Variants in DNAJC8 observed in about 807,000 individuals in gnomAD.
DNAJC8 encodes dnaJ homolog subfamily C member 8.
DNAJC8 carries 24 observed loss-of-function variants against 43.2 expected under a neutral mutation model. That is an observed-to-expected ratio of 0.56 (90% CI 0.40 to 0.78). DNAJC8 has a LOEUF of 0.78. Ranked by LOEUF, DNAJC8 falls within the 30% of genes least tolerant of loss-of-function variation. The pLI, the probability that DNAJC8 is intolerant of heterozygous loss-of-function variation, is 0.00. For synonymous variants in DNAJC8, 83 were observed against 98.0 expected (o/e 0.85, Z 0.90); for missense variants, 207 against 299.4 (o/e 0.69, Z 2.28).
chr1:28,203,846 T>C, intron 7 of DNAJC8, 24 bp from the exon 8 acceptor site: 2 of 1,602,900 alleles, frequency 1.2e-6, no homozygotes, highest in Admixed American at 3.3e-5. Flanking sequence ...CAGATCATAG[T>C]ATTTATATGA....
intron 5 of DNAJC8, among the ~76,000 whole-genome samples, chr1:28,209,124 G>A (rs1301973126): frequency 6.6e-6 from 1 of 152,144 alleles, no homozygotes; most frequent in African/African-American, 2.4e-5. Context: ...GATTTAAGGA[G>A]AAACTGTCAG....
intron 8 of DNAJC8, 150 bp downstream of exon 8, chr1:28,203,597 C>A: frequency 1.4e-6 from 1 of 738,080 alleles, no homozygotes; most frequent in Non-Finnish European, 2.4e-6. Context: ...TTACAGGAGG[C>A]TGAGGCAGGC....
intron 6 of DNAJC8, 35 bp downstream of exon 6, chr1:28,208,307 A>G: frequency 6.4e-7 from 1 of 1,561,150 alleles, no homozygotes; most frequent in Non-Finnish European, 8.7e-7. Context: ...ACACAATCAC[A>G]CAAGATACAG....
In DNAJC8 at chr1:28,226,002, C is replaced by A. The variant is rs181170243; in HGVS notation, c.180+2920G>T. Among the ~76,000 whole-genome samples the A allele has an allele frequency of 2.7e-5, 4 of 150,624 alleles. No homozygotes were observed. The South Asian group carries it at 6.3e-4, about 24-fold the overall frequency. ...TACAGGCGTGAGCCACCACACCTGG[C>A]CAAAATGGCAAATTTTATGTTATAT... is the stretch of plus-strand genomic sequence containing the variant. On this transcript the variant is annotated intron_variant, in intron 2 of 8. Coordinates refer to ENST00000263697, the MANE Select transcript of DNAJC8 (RefSeq NM_014280.3).
rs1646752734 is a variant in DNAJC8, at chr1:28,203,900, A to T, written c.564-78T>A. ...ACCATACAAGGTGGCATCTCCCCAC[A>T]GAAGCAAGCATATATAGTAAATCAA... On this transcript the variant is annotated intron_variant, in intron 7 of 8. Transcript: ENST00000263697. 2.2e-6 allele frequency: 3 copies of T among 1,373,784 alleles called. No individual in the cohort carries two copies. In the Admixed American group the frequency reaches 5.1e-5, roughly 23 times the overall value. The allele number at this position is 1,373,784 out of a possible 1,614,324, so 85.1% of individuals were successfully genotyped here. A position where few individuals can be genotyped will look rare whatever the true frequency, so the allele number is the denominator to read the frequency against.
At chr1:28,232,675 C>A (rs1267097487) in intron 1 of DNAJC8, among the ~76,000 whole-genome samples, 1 of 152,210 alleles carries the variant, frequency 6.6e-6, no homozygotes, top group African/African-American at 2.4e-5. Flanking sequence ...CGCGCCCGCA[C>A]TATGTTGGAC....
Position 28,214,998 on chromosome 1 carries a change from T to C in DNAJC8, c.181-2A>G. ...AACTTCAGGATCTATCTGAAGAACCTGGAAGTATCAAAATCAAAACCATAA... is the reference window on the plus strand; with the variant it reads ...AACTTCAGGATCTATCTGAAGAACCCGGAAGTATCAAAATCAAAACCATAA... On this transcript the variant is annotated splice_acceptor_variant, in intron 2 of 8. Transcript: ENST00000263697. LOFTEE classifies it high-confidence loss of function. The C allele has an allele frequency of 6.2e-7, 1 of 1,602,132 alleles. No individual in the cohort carries two copies. The highest frequency in any genetic ancestry group is 8.5e-7 in the Non-Finnish European group (1 of 1,175,308).
chr1:28,225,527 G>A (rs1224595649), intron 2 of DNAJC8, among the ~76,000 whole-genome samples: 1 of 150,992 alleles, frequency 6.6e-6, no homozygotes, highest in East Asian at 1.9e-4. Flanking sequence ...CATAGACAAA[G>A]TAGAGTAGAG....
intron 1 of DNAJC8, among the ~76,000 whole-genome samples, chr1:28,232,338 T>G (rs1000530360): frequency 1.8e-4 from 27 of 152,212 alleles, no homozygotes; most frequent in Admixed American, 1.8e-3. Context: ...CTACATACTA[T>G]GCGCTGGAGA....
chr1:28,225,859 T>C (rs1352273344), intron 2 of DNAJC8, among the ~76,000 whole-genome samples: 3 of 150,584 alleles, frequency 2.0e-5, no homozygotes, highest in African/African-American at 7.3e-5. Flanking sequence ...TGCACCACCA[T>C]GCCCAGCAAT....
At chr1:28,230,098 A>AAAAG (rs959475860) in intron 1 of DNAJC8, 1 of 152,166 alleles carries the variant, frequency 6.6e-6, no homozygotes, top group African/African-American at 2.4e-5. Flanking sequence ...TAATTTAAAA[A>AAAAG]AAAGAAAGAA....
Position 28,214,356 on chromosome 1 carries a change from GA to G in DNAJC8, c.237+583del, listed in dbSNP as rs532530468. On this transcript the variant is annotated intron_variant, in intron 3 of 8. Coordinates refer to ENST00000263697, the MANE Select transcript of DNAJC8 (RefSeq NM_014280.3). ...TCGTCACCAGCCTGGCCAACATAGG[GA>G]AACTCTGTCTCTACCAAAATACAAA... is the stretch of plus-strand genomic sequence containing the variant. Among the ~76,000 whole-genome samples, 12 of 152,104 alleles carry G rather than the reference GA, an allele frequency of 7.9e-5. No individual in the cohort carries two copies. The East Asian group carries it at 2.3e-3, about 29-fold the overall frequency.
intron 7 of DNAJC8, 125 bp from the exon 8 acceptor site, chr1:28,203,947 T>C (rs1646752925): frequency 1.1e-6 from 1 of 919,066 alleles, no homozygotes; most frequent in African/African-American, 1.7e-5. Flanking sequence ...TCTACAAAGA[T>C]GGCTGTCTGG....
At position 28,200,561 on chromosome 1, in the gene DNAJC8, G is replaced by A. The variant is rs556116425; in HGVS notation, c.*687C>T. ...AAGGAAAAGTACATCAATGGCTTGG[G>A]TATAAAAATTTATTATACATAAAGA... On this transcript the variant is annotated 3_prime_UTR_variant, in exon 9 of 9. Transcript: ENST00000263697. 4.4e-6 allele frequency: 2 copies of A among 456,504 alleles called. No homozygotes were observed. Among genetic ancestry groups the A allele is most frequent in the South Asian group, 1.5e-5 (1 of 64,560 alleles). The allele number at this position is 456,504 out of a possible 1,614,324, so 28.3% of individuals were successfully genotyped here. A position where few individuals can be genotyped will look rare whatever the true frequency, so the allele number is the denominator to read the frequency against.
At chr1:28,203,603 C>T (rs564120130) in intron 8 of DNAJC8, 144 bp downstream of exon 8, 14 of 769,348 alleles carry the variant, frequency 1.8e-5, no homozygotes, top group Admixed American at 1.5e-4. Context: ...GAGGCTGAGG[C>T]AGGCCCAGCC....
At chr1:28,206,364 C>T (rs1195273691) in intron 6 of DNAJC8, among the ~76,000 whole-genome samples, 6 of 152,004 alleles carry the variant, frequency 3.9e-5, no homozygotes, top group Non-Finnish European at 5.9e-5. Flanking sequence ...GATCCTCCTA[C>T]TTCAGCCCCC....
intron 6 of DNAJC8, among the ~76,000 whole-genome samples, chr1:28,206,871 C>T (rs1646772207): frequency 6.6e-6 from 1 of 152,182 alleles, no homozygotes; most frequent in South Asian, 2.1e-4. Context: ...ACCTGCTAGA[C>T]ACTGCTCACT....
chr1:28,212,831 A>T (rs181378694), intron 3 of DNAJC8, among the ~76,000 whole-genome samples: 10 of 152,288 alleles, frequency 6.6e-5, no homozygotes, highest in African/African-American at 2.2e-4. Context: ...TGAGACCTCG[A>T]GCAAATCACT....
At chr1:28,232,134 G>C (rs1450468083) in intron 1 of DNAJC8, among the ~76,000 whole-genome samples, 2 of 151,544 alleles carry the variant, frequency 1.3e-5, no homozygotes, top group Non-Finnish European at 2.9e-5. Context: ...GAGTGCAGTG[G>C]TCCGATCATA....
Sources: allele counts gnomAD v4.1 joint callset (sites outside exome capture counted in the v4.1 genomes callset), GRCh38; gene constraint gnomAD v4.1.1; transcripts MANE v1.5; gene names NCBI Gene and HGNC (gene_info 2026-07-23, HGNC 2026-07-21).